GALNS: variants seen among roughly 807,000 people sequenced by gnomAD.
GALNS encodes the protein N-acetylgalactosamine-6-sulfatase.
Under a neutral mutation model 65.9 loss-of-function variants are expected in GALNS, and 65 were observed. That is an observed-to-expected ratio of 0.99 (90% CI 0.81 to 1.21). GALNS has a LOEUF of 1.21. GALNS is among the 50% of genes most tolerant of loss of function. The pLI, the probability that GALNS is intolerant of heterozygous loss-of-function variation, is 0.00. For missense variants in GALNS, 776 were observed against 700.7 expected, an observed-to-expected ratio of 1.11 and a Z score of -1.21; for synonymous variants, 346 against 288.9, an observed-to-expected ratio of 1.20 and a Z score of -2.00.
chr16:88,816,803 T>C, intron 13 of GALNS: 1 of 985,432 alleles, frequency 1.0e-6, no homozygotes, highest in Non-Finnish European at 1.2e-6. Flanking sequence ...AGCTGGGCCT[T>C]TTCGCCCGCA....
At chr16:88,823,665 C>T (rs572684917) in intron 11 of GALNS, among the ~76,000 whole-genome samples, 1 of 78,280 alleles carries the variant, frequency 1.3e-5, no homozygotes, top group African/African-American at 5.9e-5. Context: ...TGCCGGGGAC[C>T]GATGCCCAGG....
At chr16:88,850,388 A>G (rs1597596087) in intron 1 of GALNS, among the ~76,000 whole-genome samples, 1 of 152,076 alleles carries the variant, frequency 6.6e-6, no homozygotes, top group African/African-American at 2.4e-5. Flanking sequence ...GCTTGTGCTC[A>G]CCTGGGTCAT....
chr16:88,856,730 C>G, intron 1 of GALNS, 28 bp downstream of exon 1: 1 of 1,380,452 alleles, frequency 7.2e-7, no homozygotes, highest in Non-Finnish European at 9.8e-7. Context: ...CCACCCCGGC[C>G]CTGCCCCGTC....
chr16:88,818,194 A>G (rs1203671196), intron 12 of GALNS, 70 bp from the exon 13 acceptor site: 1 of 1,227,416 alleles, frequency 8.1e-7, no homozygotes, highest in Admixed American at 2.0e-5. Context: ...TGGCCTGGAC[A>G]GGCTGAGGCT....
At position 88,835,723 on chromosome 16, in the gene GALNS, AC is replaced by A; in HGVS notation, c.758+1del. 6.2e-7 allele frequency: 1 copy of A among 1,613,982 alleles called. No individual in the cohort carries two copies. Among genetic ancestry groups the A allele is most frequent in the Non-Finnish European group, 8.5e-7 (1 of 1,180,012 alleles). On this transcript the variant is annotated splice_donor_variant, in intron 7 of 13. Transcript: ENST00000268695. LOFTEE classifies it high-confidence loss of function. ...TCTATGCTCCATGGAGCCAGGACTC[AC>A]CGCCCTCGCTGACTGGTGCCCAAGA... is the stretch of plus-strand genomic sequence containing the variant.
chr16:88,834,401 G>A (rs1446523490), intron 8 of GALNS, among the ~76,000 whole-genome samples: 1 of 125,968 alleles, frequency 7.9e-6, no homozygotes, highest in African/African-American at 3.2e-5. Flanking sequence ...GCCCCCCCGC[G>A]TGGTCTGGGA....
chr16:88,856,727 G>T, intron 1 of GALNS, 31 bp downstream of exon 1: 3 of 413,764 alleles, frequency 7.3e-6, no homozygotes, highest in Non-Finnish European at 1.3e-5. Context: ...GCCCCACCCC[G>T]GCCCTGCCCC....
At chr16:88,848,738 G>C (rs1967369285) in intron 1 of GALNS, among the ~76,000 whole-genome samples, 1 of 152,200 alleles carries the variant, frequency 6.6e-6, no homozygotes, top group African/African-American at 2.4e-5. Context: ...GGTCTGAACA[G>C]AGGGGAAGCC....
At chr16:88,829,842 C>T (rs1201005997) in intron 9 of GALNS, among the ~76,000 whole-genome samples, 1 of 152,214 alleles carries the variant, frequency 6.6e-6, no homozygotes, top group Non-Finnish European at 1.5e-5. Flanking sequence ...ATTGAGGCGG[C>T]AGACACAACG....
intron 12 of GALNS, among the ~76,000 whole-genome samples, chr16:88,821,889 C>G (rs912020291): frequency 1.3e-5 from 2 of 152,148 alleles, no homozygotes; most frequent in Non-Finnish European, 2.9e-5. Context: ...ATGCACGTGC[C>G]CCAGGACCCC....
rs759805854 is a variant in GALNS, at chr16:88,832,120, T to C, written c.899-19A>G. The C allele has an allele frequency of 8.1e-6, 13 of 1,606,074 alleles. No individual in the cohort carries two copies. Among genetic ancestry groups the C allele is most frequent in the Admixed American group, 3.3e-5 (2 of 59,796 alleles). On this transcript the variant is annotated intron_variant, in intron 8 of 13. Transcript: ENST00000268695. ...CTGCCACCTGGGAGAGAGGGGCCCTTGTCAGGCCACTGGGACCAGATGTCC... is the reference window on the plus strand; with the variant it reads ...CTGCCACCTGGGAGAGAGGGGCCCTCGTCAGGCCACTGGGACCAGATGTCC...
At position 88,814,436 on chromosome 16, in the gene GALNS, G is replaced by T. The variant is rs77826920; in HGVS notation, c.*3C>A. 1 of 1,557,770 alleles carries T rather than the reference G, an allele frequency of 6.4e-7. No individual in the cohort carries two copies. Among genetic ancestry groups the T allele is most frequent in the Non-Finnish European group, 8.7e-7 (1 of 1,150,530 alleles). On this transcript the variant is annotated 3_prime_UTR_variant, in exon 14 of 14. Transcript: ENST00000268695. ...CTAGGCCTGGCCTGAGTCTGCGCAGGTGCTAGTGGGACCAGAGGCACTTCT... is the reference window on the plus strand; with the variant it reads ...CTAGGCCTGGCCTGAGTCTGCGCAGTTGCTAGTGGGACCAGAGGCACTTCT...
At position 88,856,923 on chromosome 16, in the gene GALNS, C is replaced by A. The variant is rs1248654823; in HGVS notation, c.-46G>T. 1 of 1,482,956 alleles carries A rather than the reference C, an allele frequency of 6.7e-7. No homozygotes were observed. Among genetic ancestry groups the A allele is most frequent in the South Asian group, 1.3e-5 (1 of 78,700 alleles). The allele number at this position is 1,482,956 out of a possible 1,614,324, so 91.9% of individuals were successfully genotyped here. On this transcript the variant is annotated 5_prime_UTR_variant, in exon 1 of 14. Transcript: ENST00000268695. ...AGCCCCGGCCAGCGAGCCGACCTAG[C>A]GAGCGTCCGCCGGCCCTTCCGGCTG...
rs3784890 is a variant in GALNS at position 88,815,670 on chromosome 16, G to A, written c.1483-1145C>T. Reference sequence around the variant, plus strand: ...CCGCATGGCCCTGAGGGCACTTTCCGGGGACAGACTTTGGATTCTGGGTGC... The same window carrying A: ...CCGCATGGCCCTGAGGGCACTTTCCAGGGACAGACTTTGGATTCTGGGTGC... On this transcript the variant is annotated intron_variant, in intron 13 of 13. Transcript: ENST00000268695. 6.1e-5 allele frequency: 60 copies of A among 985,322 alleles called. No individual in the cohort carries two copies. In the East Asian group the frequency reaches 2.0e-3, roughly 34 times the overall value. The allele number at this position is 985,322 out of a possible 1,614,324, so 61.0% of individuals were successfully genotyped here.
chr16:88,833,077 CAAAAAAA>C (rs869226834), intron 8 of GALNS, among the ~76,000 whole-genome samples: 41 of 74,654 alleles, frequency 5.5e-4, no homozygotes, highest in East Asian at 3.5e-3. Flanking sequence ...GACTCCTTCT[CAAAAAAA>C]AAAAAAAAAA....
chr16:88,855,659 TA>T, intron 1 of GALNS: 1 of 598,694 alleles, frequency 1.7e-6, no homozygotes, highest in Non-Finnish European at 3.0e-6. Flanking sequence ...ATTAATTTAA[TA>T]AAATTGTTAA....
intron 1 of GALNS, among the ~76,000 whole-genome samples, chr16:88,848,693 A>C (rs199962426): frequency 9.3e-4 from 142 of 152,226 alleles, no homozygotes; most frequent in African/African-American, 2.2e-3. Context: ...TAAGTCAAAG[A>C]AGCAGCAGCC....
chr16:88,835,118 G>C lies in GALNS; in HGVS notation c.898+95C>G. The C allele has an allele frequency of 3.4e-6, 5 of 1,485,348 alleles. No homozygotes were observed. In the South Asian group the frequency reaches 6.1e-5, roughly 18 times the overall value. 92.0% of individuals were successfully genotyped at this position (1,485,348 alleles called of 1,614,324 possible). Reference sequence around the variant, plus strand: ...GACCCAGAGGGACCCTTCATGCTCTGCCCACCACAGACCCCGTGGGCACAG... The same window carrying C: ...GACCCAGAGGGACCCTTCATGCTCTCCCCACCACAGACCCCGTGGGCACAG... On this transcript the variant is annotated intron_variant, in intron 8 of 13. Coordinates refer to ENST00000268695, the MANE Select transcript of GALNS (RefSeq NM_000512.5).
intron 9 of GALNS, among the ~76,000 whole-genome samples, chr16:88,828,907 A>G (rs3784886): frequency 0.042 from 6,330 of 152,184 alleles, 164 homozygotes; most frequent in South Asian, 0.083. Flanking sequence ...GTGGGCACCC[A>G]CTGCAGTGGG....
Sources: allele counts gnomAD v4.1 joint callset (sites outside exome capture counted in the v4.1 genomes callset), GRCh38; gene constraint gnomAD v4.1.1; transcripts MANE v1.5; gene names NCBI Gene and HGNC (gene_info 2026-07-23, HGNC 2026-07-21).